Variants in PCDH15 observed in about 807,000 individuals in gnomAD.
PCDH15 encodes protocadherin-15.
A neutral mutation model predicts 178.5 loss-of-function variants in PCDH15; 129 were observed. That is an observed-to-expected ratio of 0.72 (90% confidence interval 0.63 to 0.84). The LOEUF (loss-of-function observed/expected upper bound fraction) is 0.84, where lower values mean the gene tolerates loss of function less well. Among genes scored for constraint, PCDH15 ranks in the 40% least tolerant of loss-of-function variants. PCDH15 has a pLI of 0.00. For synonymous variants in PCDH15, 800 were observed against 732.0 expected (o/e 1.09, Z -1.50); for missense variants, 2,230 against 2,099.9 (o/e 1.06, Z -1.21).
chr10:54,468,612 G>A (rs867169259), intron 3 of PCDH15, among the ~76,000 whole-genome samples: 1 of 152,152 alleles, frequency 6.6e-6, no homozygotes, highest in African/African-American at 2.4e-5. Flanking sequence ...AGAAGAATGT[G>A]TGTTCTACTC....
At chr10:54,440,232 A>T (rs1477403536) in intron 3 of PCDH15, among the ~76,000 whole-genome samples, 1 of 152,018 alleles carries the variant, frequency 6.6e-6, no homozygotes, top group African/African-American at 2.4e-5. Flanking sequence ...GTAATAAGTA[A>T]AAGGAACATG....
At chr10:54,745,305 CTT>C (rs1945307214) in intron 1 of PCDH15, among the ~76,000 whole-genome samples, 1 of 145,196 alleles carries the variant, frequency 6.9e-6, no homozygotes, top group Non-Finnish European at 1.5e-5. Context: ...TGCTGATTGA[CTT>C]TAACTATAGG....
chr10:55,412,595 G>A (rs1419619569), intron 2 of PCDH15, among the ~76,000 whole-genome samples: 1 of 151,778 alleles, frequency 6.6e-6, no homozygotes, highest in East Asian at 1.9e-4. Flanking sequence ...ATTATATAAA[G>A]AATGGCTAAA....
At chr10:55,436,437 T>G (rs1188789270) in intron 2 of PCDH15, among the ~76,000 whole-genome samples, 2 of 152,154 alleles carry the variant, frequency 1.3e-5, no homozygotes, top group African/African-American at 4.8e-5. Context: ...TTATGACATA[T>G]AAGTTATTTA....
In PCDH15 at chr10:54,206,286, G is replaced by C. The variant is rs116669650; in HGVS notation, c.1098+7650C>G. Among the ~76,000 whole-genome samples the C allele has an allele frequency of 6.2e-3, 941 of 152,154 alleles. 9 individuals carry two copies. Among genetic ancestry groups the C allele is most frequent in the African/African-American group, 0.019 (776 of 41,516 alleles). ...AAAGAAAAAATAACCTTGCCACTCTGGGGAAGACCACAGATTCTGAAAACT... is the reference window on the plus strand; with the variant it reads ...AAAGAAAAAATAACCTTGCCACTCTCGGGAAGACCACAGATTCTGAAAACT... On this transcript the variant is annotated intron_variant, in intron 10 of 37. Coordinates refer to ENST00000644397, the MANE Select transcript of PCDH15 (RefSeq NM_001384140.1).
At chr10:54,592,263 T>C (rs1176017361) in intron 2 of PCDH15, among the ~76,000 whole-genome samples, 1 of 152,020 alleles carries the variant, frequency 6.6e-6, no homozygotes, top group East Asian at 1.9e-4. Flanking sequence ...CTTGAGCACT[T>C]ATTTTCTTTC....
intron 2 of PCDH15, among the ~76,000 whole-genome samples, chr10:54,662,081 C>T (rs954942621): frequency 2.6e-5 from 4 of 151,838 alleles, no homozygotes; most frequent in Admixed American, 6.6e-5. Flanking sequence ...AGAGTTTCTG[C>T]ACAGCAAAAG....
At chr10:53,840,533 T>C in intron 28 of PCDH15, 37 bp from the exon 29 acceptor site, 5 of 1,566,718 alleles carry the variant, frequency 3.2e-6, no homozygotes, top group Non-Finnish European at 4.4e-6. Flanking sequence ...GACAGTCCAA[T>C]GGGCTTTCTG....
intron 18 of PCDH15, among the ~76,000 whole-genome samples, chr10:54,042,949 T>C (rs2093580264): frequency 6.6e-6 from 1 of 152,020 alleles, no homozygotes; most frequent in Non-Finnish European, 1.5e-5. Flanking sequence ...TTACTGATAA[T>C]GCAAGAATCA....
chr10:55,348,574 C>T (rs1844824203), intron 2 of PCDH15, among the ~76,000 whole-genome samples: 1 of 152,050 alleles, frequency 6.6e-6, no homozygotes, highest in African/African-American at 2.4e-5. Flanking sequence ...GTAAGAAATA[C>T]ATTAAAGATA....
intron 10 of PCDH15, among the ~76,000 whole-genome samples, chr10:54,198,094 T>C (rs1415932328): frequency 1.3e-5 from 2 of 152,154 alleles, no homozygotes; most frequent in African/African-American, 4.8e-5. Flanking sequence ...ACTGGAATAA[T>C]GTTTGGTCCT....
chr10:54,250,019 C>T (rs986699005), intron 8 of PCDH15, among the ~76,000 whole-genome samples: 3 of 151,822 alleles, frequency 2.0e-5, no homozygotes, highest in Non-Finnish European at 4.4e-5. Context: ...TCGGACCATC[C>T]TCCCACTTCA....
intron 29 of PCDH15, among the ~76,000 whole-genome samples, chr10:53,838,463 TC>T (rs1472169217): frequency 7.1e-6 from 1 of 140,578 alleles, no homozygotes; most frequent in East Asian, 2.1e-4. Context: ...GGCTTTTTTT[TC>T]CCCAAATATT....
chr10:55,069,746 A>C (rs1841676925), intron 2 of PCDH15, among the ~76,000 whole-genome samples: 2 of 145,346 alleles, frequency 1.4e-5, no homozygotes, highest in African/African-American at 5.0e-5. Flanking sequence ...ATATGTGTGC[A>C]TGTGTCTTTA....
At chr10:54,198,331 T>C (rs1440159349) in intron 10 of PCDH15, among the ~76,000 whole-genome samples, 8 of 152,006 alleles carry the variant, frequency 5.3e-5, no homozygotes, top group Non-Finnish European at 8.8e-5. Context: ...TTAAAACTAA[T>C]TGGTCCATAT....
chr10:54,139,817 C>A (rs111763358), intron 14 of PCDH15, among the ~76,000 whole-genome samples: 1 of 151,058 alleles, frequency 6.6e-6, no homozygotes, highest in Non-Finnish European at 1.5e-5. Flanking sequence ...GTTATAGATA[C>A]GAAAATATAT....
At chr10:54,108,242 G>A (rs1366203600) in intron 15 of PCDH15, among the ~76,000 whole-genome samples, 6 of 152,156 alleles carry the variant, frequency 3.9e-5, no homozygotes, top group African/African-American at 1.2e-4. Context: ...GGATAGGAAA[G>A]AAAGTCTTGA....
At chr10:55,271,365 C>T (rs1842439407) in intron 1 of PCDH15, among the ~76,000 whole-genome samples, 1 of 151,624 alleles carries the variant, frequency 6.6e-6, no homozygotes, top group Non-Finnish European at 1.5e-5. Flanking sequence ...TTACTTTTTG[C>T]CATAGAGAAA....
chr10:55,306,542 A>G (rs1447500221), intron 1 of PCDH15, among the ~76,000 whole-genome samples: 1 of 152,204 alleles, frequency 6.6e-6, no homozygotes, highest in Non-Finnish European at 1.5e-5. Flanking sequence ...GTGATAATAG[A>G]GCATTCTCAG....
Sources: allele counts gnomAD v4.1 joint callset (sites outside exome capture counted in the v4.1 genomes callset), GRCh38; gene constraint gnomAD v4.1.1; transcripts MANE v1.5; gene names NCBI Gene and HGNC (gene_info 2026-07-23, HGNC 2026-07-21).